The following AIG1 variants were observed in gnomAD, a reference collection of about 807,000 sequenced individuals.
AIG1 encodes androgen-induced gene 1 protein.
A neutral mutation model predicts 31.4 loss-of-function variants in AIG1; 23 were observed. The ratio of observed to expected loss-of-function variants is 0.73; its 90% CI spans 0.53 to 1.04. The LOEUF (loss-of-function observed/expected upper bound fraction) is 1.04, where lower values mean the gene tolerates loss of function less well. Among genes scored for constraint, AIG1 ranks in the 50% least tolerant of loss-of-function variants. The pLI is 0.00. For missense variants in AIG1, 274 were observed against 295.0 expected, an observed-to-expected ratio of 0.93 and a Z score of 0.52; for synonymous variants, 100 against 110.5, an observed-to-expected ratio of 0.90 and a Z score of 0.60.
At chr6:143,169,224 A>ACATATG (rs1787263216) in intron 3 of AIG1, among the ~76,000 whole-genome samples, 1 of 152,114 alleles carries the variant, frequency 6.6e-6, no homozygotes, top group Non-Finnish European at 1.5e-5. Context: ...GGTAACACAT[A>ACATATG]CATATGCATG....
At chr6:143,115,128 A>G (rs1283497328) in intron 1 of AIG1, among the ~76,000 whole-genome samples, 1 of 152,204 alleles carries the variant, frequency 6.6e-6, no homozygotes, top group Admixed American at 6.5e-5. Flanking sequence ...CAGTTTTGCA[A>G]TTTCCAGATT....
chr6:143,284,254 A>G lies in AIG1; in HGVS notation c.515+29A>G. On this transcript the variant is annotated intron_variant, in intron 4 of 5. Transcript: ENST00000357847. The surrounding 1 kb of genome is among the most constrained non-coding windows in gnomAD (Gnocchi z 4.4). ...AGGACCATGCCTGCTGGGCTTTCTT[A>G]TTGTATTAGATTTTGCACTGCTAAA... is the stretch of plus-strand genomic sequence containing the variant. 6.6e-7 allele frequency: 1 copy of G among 1,521,730 alleles called. No homozygotes were observed. Among genetic ancestry groups the G allele is most frequent in the African/African-American group, 1.4e-5 (1 of 72,952 alleles). The allele number at this position is 1,521,730 out of a possible 1,614,324, so 94.3% of individuals were successfully genotyped here. A position where few individuals can be genotyped will look rare whatever the true frequency, so the allele number is the denominator to read the frequency against.
chr6:143,220,087 T>G (rs1562500421), intron 3 of AIG1, among the ~76,000 whole-genome samples: 1 of 152,100 alleles, frequency 6.6e-6, no homozygotes, highest in Non-Finnish European at 1.5e-5. Flanking sequence ...CCAATCTAGC[T>G]TAGGGGGCAG....
intron 1 of AIG1, among the ~76,000 whole-genome samples, chr6:143,082,816 G>T (rs1199918690): frequency 6.6e-6 from 1 of 152,098 alleles, no homozygotes; most frequent in African/African-American, 2.4e-5. Flanking sequence ...TTTTTTCTGT[G>T]ACATATAAAG....
chr6:143,084,412 C>G (rs766542688), intron 1 of AIG1, among the ~76,000 whole-genome samples: 13 of 152,190 alleles, frequency 8.5e-5, no homozygotes, highest in African/African-American at 1.7e-4. Context: ...ATTTGCCCAG[C>G]CTTTCCCTGT....
intron 4 of AIG1, among the ~76,000 whole-genome samples, chr6:143,313,707 T>G (rs1183921673): frequency 2.0e-5 from 3 of 152,064 alleles, no homozygotes; most frequent in African/African-American, 7.2e-5. Context: ...CTGGAATGTT[T>G]GCAACACAAA....
chr6:143,207,822 A>C (rs761776560), intron 3 of AIG1, among the ~76,000 whole-genome samples: 49 of 152,196 alleles, frequency 3.2e-4, no homozygotes, highest in Admixed American at 7.9e-4. Context: ...TTCACAGTAC[A>C]TTTTGCCAAG....
chr6:143,087,491 C>T (rs749502293), intron 1 of AIG1, among the ~76,000 whole-genome samples: 31 of 152,312 alleles, frequency 2.0e-4, no homozygotes, highest in African/African-American at 6.7e-4. Flanking sequence ...CAGCAATGGA[C>T]GCCTCACTCG....
intron 3 of AIG1, among the ~76,000 whole-genome samples, chr6:143,204,980 G>C (rs1211159406): frequency 6.6e-6 from 1 of 152,156 alleles, no homozygotes; most frequent in Non-Finnish European, 1.5e-5. Flanking sequence ...TCCTCATTCT[G>C]ATAATTTTGT....
rs1369893791 is a variant in AIG1 at position 143,333,743 on chromosome 6, G to A, written c.679+298G>A. 1.3e-5 allele frequency among the ~76,000 whole-genome samples: 2 copies of A among 152,084 alleles called. No individual in the cohort carries two copies. The highest frequency in any genetic ancestry group is 4.8e-5 in the African/African-American group (2 of 41,392). On this transcript the variant is annotated intron_variant, in intron 5 of 5. Transcript: ENST00000357847. This position sits in a 1 kb window ranked among gnomAD's most constrained non-coding sequence, Gnocchi z 4.6. ...GTGTTAGCAAAAAATATATATTAGG[G>A]AAATTTGTCCTCATTAACAACACAA...
intron 1 of AIG1, among the ~76,000 whole-genome samples, chr6:143,119,853 CAGAAG>C (rs1178155996): frequency 1.3e-5 from 2 of 152,194 alleles, no homozygotes; most frequent in Non-Finnish European, 2.9e-5. Context: ...TTTGAAGTCA[CAGAAG>C]AGAAGTTGGA....
At chr6:143,214,674 A>G (rs1791868142) in intron 3 of AIG1, among the ~76,000 whole-genome samples, 1 of 152,012 alleles carries the variant, frequency 6.6e-6, no homozygotes, top group South Asian at 2.1e-4. Context: ...TTCAGTGCCT[A>G]CTCATCACTG....
intron 1 of AIG1, among the ~76,000 whole-genome samples, chr6:143,116,739 G>A (rs1781772873): frequency 6.6e-6 from 1 of 150,896 alleles, no homozygotes; most frequent in Admixed American, 6.6e-5. Context: ...GTCTAGTAGT[G>A]GTGGGATGGA....
chr6:143,171,025 C>T (rs1787458427), intron 3 of AIG1, among the ~76,000 whole-genome samples: 1 of 151,960 alleles, frequency 6.6e-6, no homozygotes, highest in South Asian at 2.1e-4. Context: ...TGGGAAAAGG[C>T]ATAGGAAACC....
chr6:143,239,586 C>T (rs555789950), intron 3 of AIG1, among the ~76,000 whole-genome samples: 30 of 152,320 alleles, frequency 2.0e-4, no homozygotes, highest in African/African-American at 6.3e-4. Context: ...GATCTTGTTT[C>T]CCTCTCATCT....
At position 143,062,307 on chromosome 6, in the gene AIG1, G is replaced by A. The variant is rs538051966; in HGVS notation, c.141+1241G>A. Among the ~76,000 whole-genome samples the A allele has an allele frequency of 1.6e-4, 24 of 152,310 alleles. No homozygotes were observed. In the South Asian group the frequency reaches 4.4e-3, roughly 28 times the overall value. Reference sequence around the variant, plus strand: ...GGCCCACAAGACTTCACAGGGTATAGAATGTTGCAAGGGTTTTAATTTTCA... The same window carrying A: ...GGCCCACAAGACTTCACAGGGTATAAAATGTTGCAAGGGTTTTAATTTTCA... On this transcript the variant is annotated intron_variant, in intron 1 of 5. Transcript: ENST00000357847.
At chr6:143,210,402 A>C (rs185960956) in intron 3 of AIG1, among the ~76,000 whole-genome samples, 6 of 152,358 alleles carry the variant, frequency 3.9e-5, no homozygotes, top group Admixed American at 2.0e-4. Context: ...GAATGACCAG[A>C]AATCATGATT....
intron 3 of AIG1, among the ~76,000 whole-genome samples, chr6:143,283,640 G>A (rs745755908): frequency 9.9e-5 from 15 of 152,186 alleles, no homozygotes; most frequent in Admixed American, 2.0e-4. Flanking sequence ...GGTCAAGACC[G>A]ATGTTCTGGA....
At position 143,082,013 on chromosome 6, in the gene AIG1, T is replaced by C. The variant is rs1303936776; in HGVS notation, c.141+20947T>C. On this transcript the variant is annotated intron_variant, in intron 1 of 5. Coordinates refer to ENST00000357847, the MANE Select transcript of AIG1 (RefSeq NM_016108.4). ...AGTGTAAGACTGCCATCTCTTTAGG[T>C]TTCTGTACAGCCAATAATAATGTCC... Among the ~76,000 whole-genome samples, 3 of 152,124 alleles carry C rather than the reference T, an allele frequency of 2.0e-5. No homozygotes were observed. In the East Asian group the frequency reaches 5.8e-4, roughly 29 times the overall value.
Sources: gnomAD v4.1 joint callset for allele counts (sites outside exome capture counted in the v4.1 genomes callset) on GRCh38, gnomAD v4.1.1 for gene constraint, Gnocchi (gnomAD v3.1) non-coding constraint, MANE v1.5 for transcripts, NCBI Gene and HGNC (gene_info 2026-07-23, HGNC 2026-07-21) for gene names.